Variants in TEX55 observed in about 807,000 individuals in gnomAD.
The protein encoded by TEX55 is testis expressed 55.
TEX55 carries 31 observed loss-of-function variants against 44.6 expected under a neutral mutation model. That is an observed-to-expected ratio of 0.69 (90% CI 0.52 to 0.94). The LOEUF (loss-of-function observed/expected upper bound fraction) is 0.94, where lower values mean the gene tolerates loss of function less well. Ranked by LOEUF, TEX55 falls within the 40% of genes least tolerant of loss-of-function variation. The pLI is 0.00. For synonymous variants in TEX55, 230 were observed against 230.9 expected, an observed-to-expected ratio of 1.00 and a Z score of 0.04; for missense variants, 639 against 638.4, an observed-to-expected ratio of 1.00 and a Z score of -0.01.
intron 2 of TEX55, among the ~76,000 whole-genome samples, chr3:119,150,730 T>G (rs1349963263): frequency 6.6e-6 from 1 of 152,146 alleles, no homozygotes; most frequent in Non-Finnish European, 1.5e-5. Flanking sequence ...AATAATTTAT[T>G]AATTTCTCAA....
Position 119,146,847 on chromosome 3 carries a change from A to G in TEX55, c.658A>G (p.Arg220Gly). The G allele has an allele frequency of 6.2e-7, 1 of 1,614,236 alleles. No homozygotes were observed. The highest frequency in any genetic ancestry group is 1.1e-5 in the South Asian group (1 of 91,084). ...ACACAGATTATCCAAACTATCTGAG[A>G]GAAGACCTTCTGTGCAGATTGACAG... ...ITHRLSKLSERRPSVQIDSGS... is the reference protein window; with the variant it reads ...ITHRLSKLSEGRPSVQIDSGS... Residue 220 changes from arginine (R) to glycine (G), a missense_variant, in exon 1 of 3, where the codon AGA becomes GGA. Arg to Gly is a moderately radical substitution (Grantham distance 125, BLOSUM62 -2). Coordinates refer to ENST00000295622, the MANE Select transcript of TEX55 (RefSeq NM_152539.3).
chr3:119,147,228 G>C lies in TEX55; in HGVS notation c.1039G>C (p.Asp347His). The stretch of plus-strand genomic sequence containing the variant: ...TCACTACACTGAATCTGACCAGACT[G>C]ACCACTTAGCAGACAGACAAGCTAA... The part of the protein sequence containing the change: ...NAHYTESDQT[D>H]HLADRQANHK... The change falls in exon 1 of 3, where the codon GAC becomes CAC. Residue 347 changes from aspartate to histidine, a missense_variant. By Grantham distance (81) the Asp-to-His change is moderately conservative (BLOSUM62 -1). Coordinates refer to ENST00000295622, the MANE Select transcript of TEX55 (RefSeq NM_152539.3). 1 of 1,614,128 alleles carries C rather than the reference G, an allele frequency of 6.2e-7. No homozygotes were observed. The highest frequency in any genetic ancestry group is 8.5e-7 in the Non-Finnish European group (1 of 1,180,038).
rs202002610 is a variant in TEX55 at position 119,146,790 on chromosome 3, G to A, written c.601G>A (p.Glu201Lys). 43 of 1,613,892 alleles carry A rather than the reference G, an allele frequency of 2.7e-5. No homozygotes were observed. The Middle Eastern group carries it at 4.9e-4, about 19-fold the overall frequency. The change falls in exon 1 of 3, where the codon GAG becomes AAG. Residue 201 changes from glutamate (E) to lysine (K), a missense_variant. Transcript: ENST00000295622. The part of the protein sequence containing the change: ...SEQMDRRMSG[E>K]AERRTSEQIT... ...GCAGATGGACCGCAGAATGTCTGGC[G>A]AGGCTGAGCGAAGAACTTCTGAGCA... is the stretch of plus-strand genomic sequence containing the variant.
In TEX55 at chr3:119,151,437, TAAATA is replaced by T; in HGVS notation, c.*149_*153del. On this transcript the variant is annotated 3_prime_UTR_variant, in exon 3 of 3. Transcript: ENST00000295622. Reference sequence around the variant, plus strand: ...AACTACCATTCAAGTTTTTAAAAAATAAATAAAACATAACCAGCATCCCAGAAGCC... The same window carrying T: ...AACTACCATTCAAGTTTTTAAAAAATAAACATAACCAGCATCCCAGAAGCC... 1.7e-6 allele frequency: 1 copy of T among 581,972 alleles called. No individual in the cohort carries two copies. 36.1% of individuals were successfully genotyped at this position (581,972 alleles called of 1,614,324 possible). A position where few individuals can be genotyped will look rare whatever the true frequency, so the allele number is the denominator to read the frequency against.
intron 2 of TEX55, among the ~76,000 whole-genome samples, chr3:119,150,985 G>C (rs1317997341): frequency 6.6e-6 from 1 of 152,108 alleles, no homozygotes; most frequent in African/African-American, 2.4e-5. Flanking sequence ...TATAGTCCTA[G>C]CTACTCAGGA....
rs763348657 is a variant in TEX55 at position 119,146,532 on chromosome 3, A to T, written c.343A>T (p.Lys115Ter). 10 of 1,613,880 alleles carry T rather than the reference A, an allele frequency of 6.2e-6. No homozygotes were observed. Among genetic ancestry groups the T allele is most frequent in the Admixed American group, 3.3e-5 (2 of 60,012 alleles). The change falls in exon 1 of 3, where the codon AAA becomes TAA. Residue 115 changes from lysine to a stop codon, truncating the protein, a stop_gained. Transcript: ENST00000295622. LOFTEE classifies it high-confidence loss of function. ...TAATCAAACACCGTCTGAACAGACT[A>T]AAGGCAAGGCATCTAGCCAAGCTAA... ...QVNQTPSEQT[K>*]GKASSQANNV...
intron 2 of TEX55, 104 bp downstream of exon 2, chr3:119,148,427 G>A (rs915430464): frequency 1.9e-6 from 2 of 1,059,152 alleles, no homozygotes; most frequent in Non-Finnish European, 2.7e-6. Context: ...GACAATAAGT[G>A]CATTAAGATG....
chr3:119,151,083 G>T (rs1343692863), intron 2 of TEX55, 141 bp from the exon 3 acceptor site: 40 of 641,938 alleles, frequency 6.2e-5, no homozygotes, highest in Non-Finnish European at 1.1e-4. Flanking sequence ...TCCATCTTGG[G>T]TGACAGAGTG....
At chr3:119,148,661 G>C (rs1422078679) in intron 2 of TEX55, among the ~76,000 whole-genome samples, 1 of 152,134 alleles carries the variant, frequency 6.6e-6, no homozygotes, top group African/African-American at 2.4e-5. Context: ...TAATAACAAG[G>C]ATATCTTCTG....
Position 119,148,255 on chromosome 3 carries a change from G to A in TEX55, c.1474G>A (p.Val492Ile), listed in dbSNP as rs569823173. 9 of 1,612,140 alleles carry A rather than the reference G, an allele frequency of 5.6e-6. No individual in the cohort carries two copies. In the African/African-American group the frequency reaches 1.2e-4, roughly 22 times the overall value. Residue 492 changes from valine (V) to isoleucine (I), a missense_variant, in exon 2 of 3, where the codon GTT (valine) becomes ATT (isoleucine). Transcript: ENST00000295622. ...AACTTATAGAAGGTTCCCTTCTATAGTTTATGAAGATCCTTACCAAGTTTC... is the reference window on the plus strand; with the variant it reads ...AACTTATAGAAGGTTCCCTTCTATAATTTATGAAGATCCTTACCAAGTTTC... ...NQTYRRFPSI[V>I]YEDPYQVSLQ...
At chr3:119,151,124 T>C in intron 2 of TEX55, 100 bp from the exon 3 acceptor site, 1 of 765,552 alleles carries the variant, frequency 1.3e-6, no homozygotes, top group Admixed American at 2.2e-5. Context: ...ACAAAAGCTA[T>C]GGTATGTGTT....
Position 119,148,159 on chromosome 3 carries a change from G to T in TEX55, c.1399-21G>T, listed in dbSNP as rs201864502. 4.4e-6 allele frequency: 7 copies of T among 1,599,184 alleles called. No homozygotes were observed. In the South Asian group the frequency reaches 4.6e-5, roughly 11 times the overall value. ...CTTCAGGTTTACTAAGGACTTTTTGGTGGGGGGATTTAAATTTCAGGATGA... is the reference window on the plus strand; with the variant it reads ...CTTCAGGTTTACTAAGGACTTTTTGTTGGGGGGATTTAAATTTCAGGATGA... On this transcript the variant is annotated intron_variant, in intron 1 of 2. Coordinates refer to ENST00000295622, the MANE Select transcript of TEX55 (RefSeq NM_152539.3).
chr3:119,146,714 C>G lies in TEX55; in HGVS notation c.525C>G (p.Ser175=). ...RLAMPSDQRG[S]RQTDHRMAGQ... ...CTATGCCATCTGACCAGAGAGGTTC[C>G]AGACAGACCGACCACAGAATGGCAG... The change falls in exon 1 of 3, where the codon TCC becomes TCG. Residue 175 remains serine, a synonymous_variant. Transcript: ENST00000295622. 6.2e-7 allele frequency: 1 copy of G among 1,614,212 alleles called. No homozygotes were observed. The highest frequency in any genetic ancestry group is 8.5e-7 in the Non-Finnish European group (1 of 1,180,034).
rs901115647 is a variant in TEX55 at position 119,148,210 on chromosome 3, G to T, written c.1429G>T (p.Gly477Cys). ...ATTTTCAGAAATTGACCAAGGAAAG[G>T]GTTATCATATACGCAATCAAACTTA... is the stretch of plus-strand genomic sequence containing the variant. ...DEFSEIDQGKGYHIRNQTYRR... is the reference protein window; with the variant it reads ...DEFSEIDQGKCYHIRNQTYRR... The change falls in exon 2 of 3, where the codon GGT becomes TGT. Residue 477 changes from glycine to cysteine, a missense_variant. Physicochemically the swap from Gly to Cys is radical, Grantham distance 159 (BLOSUM62 -3). Transcript: ENST00000295622. 2.5e-6 allele frequency: 4 copies of T among 1,608,842 alleles called. No individual in the cohort carries two copies. Among genetic ancestry groups the T allele is most frequent in the South Asian group, 2.2e-5 (2 of 89,080 alleles).
At chr3:119,147,666 AACGGAAGGGCAC>A in intron 1 of TEX55, 79 bp downstream of exon 1, 2 of 1,213,762 alleles carry the variant, frequency 1.6e-6, no homozygotes, top group Non-Finnish European at 2.3e-6. Flanking sequence ...ATAGGGGTAC[AACGGAAGGGCAC>A]ATGTTGCATC....
In TEX55 at chr3:119,147,333, G is replaced by C. The variant is rs1462020855; in HGVS notation, c.1144G>C (p.Glu382Gln). The change falls in exon 1 of 3, where the codon GAG (glutamate) becomes CAG (glutamine). Residue 382 changes from glutamate to glutamine, a missense_variant. Physicochemically the swap from Glu to Gln is conservative, Grantham distance 29. Coordinates refer to ENST00000295622, the MANE Select transcript of TEX55 (RefSeq NM_152539.3). ...ATTTCCCCAGTTAGGCAACAGCAAA[G>C]AGGACAAAGAGGCTGACTACAGAGT... Reference protein sequence around the residue: ...RIFPQLGNSKEDKEADYRVQP... With the variant: ...RIFPQLGNSKQDKEADYRVQP... The C allele has an allele frequency of 1.2e-6, 2 of 1,614,076 alleles. No individual in the cohort carries two copies. The highest frequency in any genetic ancestry group is 2.7e-5 in the African/African-American group (2 of 74,930).
rs1368014744 is a variant in TEX55 at position 119,146,551 on chromosome 3, A to G, written c.362A>G (p.Gln121Arg). The G allele has an allele frequency of 6.2e-7, 1 of 1,613,978 alleles. No individual in the cohort carries two copies. The highest frequency in any genetic ancestry group is 8.5e-7 in the Non-Finnish European group (1 of 1,180,042). ...SEQTKGKASS[Q>R]ANNVQHEQSD... is the part of the protein sequence containing the mutation. ...CAGACTAAAGGCAAGGCATCTAGCC[A>G]AGCTAATAATGTACAGCATGAACAG... Residue 121 changes from glutamine (Q) to arginine (R), a missense_variant, in exon 1 of 3, where the codon CAA becomes CGA. Gln to Arg is a conservative substitution (Grantham distance 43). Transcript: ENST00000295622.
intron 1 of TEX55, 55 bp from the exon 2 acceptor site, chr3:119,148,125 T>TC: frequency 6.7e-7 from 1 of 1,502,072 alleles, no homozygotes; most frequent in Non-Finnish European, 9.1e-7. Context: ...TAATGACAAT[T>TC]CCTAGGCCCT....
In TEX55 at chr3:119,146,882, C is replaced by A. The variant is rs114171958; in HGVS notation, c.693C>A (p.Ser231=). The A allele has an allele frequency of 6.2e-7, 1 of 1,614,054 alleles. No homozygotes were observed. Among genetic ancestry groups the A allele is most frequent in the Middle Eastern group, 1.6e-4 (1 of 6,062 alleles). ...CTGTGCAGATTGACAGTGGGTCATC[C>A]GTCCCATCTGACCAAAGTCCTTCTG... ...RPSVQIDSGS[S]VPSDQSPSVQ... is the part of the protein sequence containing the mutation. The change falls in exon 1 of 3, where the codon TCC becomes TCA. Residue 231 remains serine, a synonymous_variant. Transcript: ENST00000295622.
Sources: allele counts gnomAD v4.1 joint callset (sites outside exome capture counted in the v4.1 genomes callset), GRCh38; gene constraint gnomAD v4.1.1; transcripts MANE v1.5; gene names NCBI Gene and HGNC (gene_info 2026-07-23, HGNC 2026-07-21).